The following ANKRD30B variants were observed in gnomAD, a reference collection of about 807,000 sequenced individuals.
ANKRD30B encodes ankyrin repeat domain-containing protein 30B.
ANKRD30B carries 144 observed loss-of-function variants against 202.2 expected under a neutral mutation model. The observed-to-expected ratio is 0.71, with a 90% CI of 0.62 to 0.82. ANKRD30B has a LOEUF of 0.82. ANKRD30B is among the 40% of genes least tolerant of loss of function. The pLI is 0.00. For synonymous variants in ANKRD30B, 508 were observed against 561.3 expected (o/e 0.91, Z 1.34); for missense variants, 1,487 against 1,669.1 (o/e 0.89, Z 1.90).
chr18:14,895,978 A>C, the ANKRD30B span, among the ~76,000 whole-genome samples: 1 of 152,344 alleles, frequency 6.6e-6, no homozygotes, highest in South Asian at 2.1e-4. Flanking sequence ...AACTCATAGA[A>C]CTATACAAAG....
chr18:14,763,221 T>C (rs1915536822), intron 6 of ANKRD30B, among the ~76,000 whole-genome samples: 1 of 152,146 alleles, frequency 6.6e-6, no homozygotes. Flanking sequence ...GTGTCAGAAA[T>C]TTTATATCCA....
At position 14,808,320 on chromosome 18, in the gene ANKRD30B, G is replaced by A. The variant is rs1047385955; in HGVS notation, c.2285-231G>A. On this transcript the variant is annotated intron_variant, in intron 24 of 43. Coordinates refer to ENST00000690538, the MANE Select transcript of ANKRD30B (RefSeq NM_001367607.2). ...TTGTCAGTTGAAATATATTTTGACT[G>A]TTGAAATCTTCATAGCACGTTTGAT... 2.0e-5 allele frequency: 11 copies of A among 542,382 alleles called. No individual in the cohort carries two copies. In the Admixed American group the frequency reaches 2.6e-4, roughly 13 times the overall value. 33.6% of individuals were successfully genotyped at this position (542,382 alleles called of 1,614,324 possible). A position where few individuals can be genotyped will look rare whatever the true frequency, so the allele number is the denominator to read the frequency against.
intron 4 of ANKRD30B, among the ~76,000 whole-genome samples, chr18:14,755,898 G>T (rs1049333775): frequency 1.1e-4 from 17 of 152,172 alleles, no homozygotes; most frequent in Middle Eastern, 3.4e-3. Context: ...GCATGATTTA[G>T]AGTCCTTTGG....
chr18:14,879,067 A>G, the ANKRD30B span, among the ~76,000 whole-genome samples: 2 of 151,782 alleles, frequency 1.3e-5, no homozygotes, highest in African/African-American at 4.9e-5. Flanking sequence ...TGCTCAGCAC[A>G]GACCCGGGGG....
chr18:14,752,007 A>G (rs1231313324), intron 1 of ANKRD30B, among the ~76,000 whole-genome samples: 1 of 152,238 alleles, frequency 6.6e-6, no homozygotes, highest in Non-Finnish European at 1.5e-5. Context: ...ATGTTAAAAT[A>G]TGAGCAATTG....
chr18:14,820,189 T>C (rs1349266565), intron 30 of ANKRD30B, among the ~76,000 whole-genome samples: 1 of 152,216 alleles, frequency 6.6e-6, no homozygotes, highest in African/African-American at 2.4e-5. Flanking sequence ...ATAAGAATGC[T>C]TGTGATTTTT....
chr18:14,869,181 G>C, the ANKRD30B span, among the ~76,000 whole-genome samples: 17 of 152,282 alleles, frequency 1.1e-4, no homozygotes, highest in African/African-American at 4.1e-4. Flanking sequence ...GTGTTTTCTT[G>C]CTAGCTTGAG....
the ANKRD30B span, among the ~76,000 whole-genome samples, chr18:14,887,511 A>G: frequency 6.6e-6 from 1 of 152,096 alleles, no homozygotes; most frequent in African/African-American, 2.4e-5. Context: ...ATATGTGGTG[A>G]AAGATTTTTT....
intron 39 of ANKRD30B, among the ~76,000 whole-genome samples, chr18:14,846,082 T>G (rs1971626140): frequency 6.7e-6 from 1 of 149,092 alleles, no homozygotes; most frequent in Admixed American, 6.7e-5. Flanking sequence ...TTTTTTTTTT[T>G]TAGCTTCTTC....
chr18:14,755,615 C>G, intron 4 of ANKRD30B, among the ~76,000 whole-genome samples: 1 of 152,054 alleles, frequency 6.6e-6, no homozygotes, highest in East Asian at 1.9e-4. Context: ...CATGTGTTCT[C>G]ACTGTTCACT....
At chr18:14,931,889 C>T in the ANKRD30B span, among the ~76,000 whole-genome samples, 1 of 56,734 alleles carries the variant, frequency 1.8e-5, no homozygotes, top group Non-Finnish European at 3.7e-5. Flanking sequence ...CAGAGGAGGC[C>T]CTCTGTCCCA....
intron 20 of ANKRD30B, 60 bp downstream of exon 20, chr18:14,797,914 C>T (rs9945893): frequency 0.52 from 711,675 of 1,369,752 alleles, 187,950 homozygotes; most frequent in African/African-American, 0.71. Flanking sequence ...TTTGAAATGC[C>T]AAGAGCCTTT....
the ANKRD30B span, among the ~76,000 whole-genome samples, chr18:14,870,115 A>G: frequency 3.3e-5 from 5 of 152,148 alleles, no homozygotes; most frequent in Non-Finnish European, 5.9e-5. Context: ...GGATTACAGG[A>G]GTGAGCCACC....
the ANKRD30B span, among the ~76,000 whole-genome samples, chr18:14,918,218 C>T: frequency 1.3e-5 from 2 of 152,114 alleles, no homozygotes; most frequent in Non-Finnish European, 2.9e-5. Flanking sequence ...TTTGTTTTTC[C>T]TCCTACTAGC....
chr18:14,881,368 A>AT, the ANKRD30B span, among the ~76,000 whole-genome samples: 1 of 152,062 alleles, frequency 6.6e-6, no homozygotes, highest in Non-Finnish European at 1.5e-5. Context: ...AATTCTGTTT[A>AT]TTTGGTGTAT....
chr18:14,910,023 A>G, the ANKRD30B span: 1 of 152,224 alleles, frequency 6.6e-6, no homozygotes, highest in Non-Finnish European at 1.5e-5. Context: ...AGATGATGTC[A>G]AGTGTATATC....
chr18:14,755,006 G>C lies in ANKRD30B; in HGVS notation c.617+1G>C. 1.4e-6 allele frequency: 2 copies of C among 1,454,258 alleles called. No individual in the cohort carries two copies. Among genetic ancestry groups the C allele is most frequent in the Non-Finnish European group, 1.8e-6 (2 of 1,097,766 alleles). 90.1% of individuals were successfully genotyped at this position (1,454,258 alleles called of 1,614,324 possible). A position where few individuals can be genotyped will look rare whatever the true frequency, so the allele number is the denominator to read the frequency against. On this transcript the variant is annotated splice_donor_variant, in intron 4 of 43. Transcript: ENST00000690538. LOFTEE classifies it high-confidence loss of function. The stretch of plus-strand genomic sequence containing the variant: ...CAAACGCATTTAATGAGTCTAAATG[G>C]TATGGTAGTTCTTTTTTTTTACTAA...
intron 5 of ANKRD30B, among the ~76,000 whole-genome samples, chr18:14,758,486 C>T (rs1197421404): frequency 1.3e-5 from 2 of 152,168 alleles, no homozygotes; most frequent in East Asian, 3.9e-4. Context: ...CCAGGATGCC[C>T]TTACTAACAC....
intron 30 of ANKRD30B, among the ~76,000 whole-genome samples, chr18:14,821,894 TA>T (rs1310917467): frequency 6.6e-6 from 1 of 152,224 alleles, no homozygotes; most frequent in Non-Finnish European, 1.5e-5. Context: ...AATATATTTA[TA>T]AACTTTCATT....
Sources: allele counts gnomAD v4.1 joint callset (sites outside exome capture counted in the v4.1 genomes callset), GRCh38; gene constraint gnomAD v4.1.1; transcripts MANE v1.5; gene names NCBI Gene and HGNC (gene_info 2026-07-23, HGNC 2026-07-21).